The following RAPGEF6 variants were observed in gnomAD, a reference collection of about 807,000 sequenced individuals.
RAPGEF6 encodes PDZ domain containing guanine nucleotide exchange factor (GEF) 2.
Under a neutral mutation model 171.4 loss-of-function variants are expected in RAPGEF6, and 56 were observed. The ratio of observed to expected loss-of-function variants is 0.33; its 90% CI spans 0.26 to 0.41. The LOEUF (loss-of-function observed/expected upper bound fraction) is 0.41, where lower values mean the gene tolerates loss of function less well. RAPGEF6 is among the 10% of genes least tolerant of loss of function. The pLI is 1.00. For synonymous variants in RAPGEF6, 692 were observed against 650.1 expected, an observed-to-expected ratio of 1.06 and a Z score of -0.98; for missense variants, 1,674 against 1,921.4, an observed-to-expected ratio of 0.87 and a Z score of 2.41.
chr5:131,448,551 A>G (rs996407010), intron 21 of RAPGEF6, among the ~76,000 whole-genome samples: 9 of 152,230 alleles, frequency 5.9e-5, no homozygotes, highest in Non-Finnish European at 1.3e-4. Context: ...ATTTAGGAGC[A>G]AATTTTAACA....
At chr5:131,634,307 C>T (rs1177095206) in intron 1 of RAPGEF6, among the ~76,000 whole-genome samples, 1 of 151,232 alleles carries the variant, frequency 6.6e-6, no homozygotes, top group Non-Finnish European at 1.5e-5. Context: ...AGTTATATGC[C>T]TGAAAACTAG....
At position 131,483,470 on chromosome 5, in the gene RAPGEF6, A is replaced by C. The variant is rs1343422671; in HGVS notation, c.1841-3717T>G. Among the ~76,000 whole-genome samples, 2 of 152,162 alleles carry C rather than the reference A, an allele frequency of 1.3e-5. 1 individual carries two copies. The highest frequency in any genetic ancestry group is 4.1e-4 in the South Asian group (2 of 4,832). ...AAATGATTGCGTTAAATTAAAAAAAATAGGGACAAAAATGAAAGGATAGTG... is the reference window on the plus strand; with the variant it reads ...AAATGATTGCGTTAAATTAAAAAAACTAGGGACAAAAATGAAAGGATAGTG... On this transcript the variant is annotated intron_variant, in intron 15 of 27. Coordinates refer to ENST00000509018, the MANE Select transcript of RAPGEF6 (RefSeq NM_016340.6).
chr5:131,455,882 T>C lies in RAPGEF6; in HGVS notation c.2995A>G (p.Ile999Val), dbSNP rs142624106. The change falls in exon 20 of 28, where the codon ATT (isoleucine) becomes GTT (valine). Residue 999 changes from isoleucine to valine, a missense_variant. Around this residue, in one of 3 missense-constraint regions of RAPGEF6, gnomAD observed 1,116 missense variants for 1,321.5 expected, o/e 0.84. Transcript: ENST00000509018. Reference protein sequence around the residue: ...PSRNMAKYRNILSSQSMQPPI... With the variant: ...PSRNMAKYRNVLSSQSMQPPI... ...GGCTGCATACTTTGACTACTAAGAA[T>C]ATTTCTATACTTTGCCATGTTTCTA... 7 of 1,613,808 alleles carry C rather than the reference T, an allele frequency of 4.3e-6. No homozygotes were observed. Among genetic ancestry groups the C allele is most frequent in the Middle Eastern group, 1.6e-4 (1 of 6,076 alleles).
intron 7 of RAPGEF6, among the ~76,000 whole-genome samples, chr5:131,518,939 A>G (rs577142938): frequency 6.6e-6 from 1 of 152,192 alleles, no homozygotes; most frequent in Admixed American, 6.5e-5. Flanking sequence ...TTTAAACTAT[A>G]TGATTCCATT....
At chr5:131,532,075 T>C (rs527723936) in intron 6 of RAPGEF6, 1 of 427,768 alleles carries the variant, frequency 2.3e-6, no homozygotes, top group Admixed American at 3.0e-5. Context: ...ATTAAATCAA[T>C]TGCTAAGAAA....
intron 5 of RAPGEF6, among the ~76,000 whole-genome samples, chr5:131,559,854 AAG>A (rs1464931993): frequency 3.3e-5 from 5 of 151,816 alleles, no homozygotes; most frequent in Non-Finnish European, 7.4e-5. Context: ...AAAAAAAAAA[AAG>A]AAAAAAAAAA....
rs374147377 is a variant in RAPGEF6 at position 131,444,364 on chromosome 5, C to T, written c.3422-1827G>A. Among the ~76,000 whole-genome samples, 12 of 152,182 alleles carry T rather than the reference C, an allele frequency of 7.9e-5. No individual in the cohort carries two copies. The East Asian group carries it at 9.6e-4, about 12-fold the overall frequency. ...TCCTTCTCTCATTGATTGGTAAATG[C>T]TAATCAATGACATCTTATTTTAATA... On this transcript the variant is annotated intron_variant, in intron 22 of 27. Transcript: ENST00000509018.
At chr5:131,557,060 A>G (rs1761281380) in intron 5 of RAPGEF6, among the ~76,000 whole-genome samples, 2 of 152,132 alleles carry the variant, frequency 1.3e-5, no homozygotes, top group Admixed American at 1.3e-4. Context: ...GTGTGTCACA[A>G]CACCCAGCTT....
rs147256718 is a variant in RAPGEF6, at chr5:131,524,895, C to T, written c.496-3374G>A. ...CCTCCCAAAGTGCTGGGATTACAGG[C>T]GTAAGCCACCTTGCCTGGCCAAGGT... On this transcript the variant is annotated intron_variant, in intron 6 of 27. Transcript: ENST00000509018. 7.9e-5 allele frequency among the ~76,000 whole-genome samples: 12 copies of T among 152,236 alleles called. No homozygotes were observed. In the East Asian group the frequency reaches 1.9e-3, roughly 25 times the overall value.
intron 1 of RAPGEF6, among the ~76,000 whole-genome samples, chr5:131,632,049 C>A (rs1766342138): frequency 7.2e-6 from 1 of 138,654 alleles, no homozygotes; most frequent in Non-Finnish European, 1.5e-5. Flanking sequence ...GCACTCCAGC[C>A]TGGGTGACAG....
At chr5:131,554,061 AC>A (rs1761082776) in intron 5 of RAPGEF6, among the ~76,000 whole-genome samples, 1 of 152,094 alleles carries the variant, frequency 6.6e-6, no homozygotes, top group African/African-American at 2.4e-5. Context: ...TAAACAGAAG[AC>A]TTTTAATGCA....
At chr5:131,496,089 C>A (rs1756618966) in intron 12 of RAPGEF6, among the ~76,000 whole-genome samples, 1 of 152,124 alleles carries the variant, frequency 6.6e-6, no homozygotes, top group Admixed American at 6.5e-5. Context: ...ACCTGCAATG[C>A]CAGCAACTCA....
rs922670873 is a variant in RAPGEF6, at chr5:131,427,188, A to G, written c.*78T>C. Reference sequence around the variant, plus strand: ...TGTAGCAATGAGCTGTTCGTTAGCAATGGCCTGCAGAATCATGAGGTGGTT... The same window carrying G: ...TGTAGCAATGAGCTGTTCGTTAGCAGTGGCCTGCAGAATCATGAGGTGGTT... On this transcript the variant is annotated 3_prime_UTR_variant, in exon 28 of 28. Coordinates refer to ENST00000509018, the MANE Select transcript of RAPGEF6 (RefSeq NM_016340.6). 54 of 1,364,014 alleles carry G rather than the reference A, an allele frequency of 4.0e-5. No homozygotes were observed. The highest frequency in any genetic ancestry group is 3.6e-4 in the Middle Eastern group (2 of 5,596). The allele number at this position is 1,364,014 out of a possible 1,614,324, so 84.5% of individuals were successfully genotyped here. A position where few individuals can be genotyped will look rare whatever the true frequency, so the allele number is the denominator to read the frequency against.
At chr5:131,546,132 A>G (rs1047168088) in intron 6 of RAPGEF6, among the ~76,000 whole-genome samples, 19 of 152,232 alleles carry the variant, frequency 1.2e-4, no homozygotes, top group Admixed American at 6.5e-5. Flanking sequence ...AAATCTGGGA[A>G]AAGAAGATAC....
chr5:131,529,818 A>G (rs1759246060), intron 6 of RAPGEF6, among the ~76,000 whole-genome samples: 1 of 147,908 alleles, frequency 6.8e-6, no homozygotes, highest in African/African-American at 2.5e-5. Context: ...GGATCCCTTG[A>G]GCCCAGGAGT....
chr5:131,432,634 G>A (rs866778940), intron 25 of RAPGEF6, among the ~76,000 whole-genome samples: 19 of 148,144 alleles, frequency 1.3e-4, no homozygotes, highest in Admixed American at 2.0e-4. Context: ...GCGAGACTCC[G>A]CCTTAAAAAA....
At chr5:131,437,157 C>G (rs1354349556) in intron 24 of RAPGEF6, among the ~76,000 whole-genome samples, 4 of 152,174 alleles carry the variant, frequency 2.6e-5, no homozygotes, top group African/African-American at 9.7e-5. Context: ...CATGCAAGAA[C>G]AAGCTGAAAC....
chr5:131,566,583 G>T (rs982604639), intron 4 of RAPGEF6, among the ~76,000 whole-genome samples: 2 of 152,052 alleles, frequency 1.3e-5, no homozygotes, highest in African/African-American at 4.8e-5. Flanking sequence ...AGTAATACTG[G>T]ACTAACAGAA....
intron 21 of RAPGEF6, 155 bp from the exon 22 acceptor site, chr5:131,446,858 T>C (rs1235972681): frequency 5.8e-6 from 4 of 684,662 alleles, no homozygotes; most frequent in East Asian, 2.8e-5. Context: ...ATTTGGCACA[T>C]ATGGTGACGT....
Sources: gnomAD v4.1 joint callset for allele counts (sites outside exome capture counted in the v4.1 genomes callset) on GRCh38, gnomAD v4.1.1 for gene constraint, gnomAD v4.1.1 regional missense constraint, MANE v1.5 for transcripts, NCBI Gene and HGNC (gene_info 2026-07-23, HGNC 2026-07-21) for gene names.